Variants in MAGI2 observed in about 807,000 individuals in gnomAD.
MAGI2 encodes the protein membrane associated guanylate kinase, WW and PDZ domain containing 2, also known as membrane-associated guanylate kinase, WW and PDZ domain-containing protein 2.
A neutral mutation model predicts 133.3 loss-of-function variants in MAGI2; 35 were observed. The observed-to-expected ratio is 0.26, with a 90% CI of 0.20 to 0.35. The LOEUF (loss-of-function observed/expected upper bound fraction) is 0.35. Ranked by LOEUF, MAGI2 falls within the 10% of genes least tolerant of loss-of-function variation. MAGI2 has a pLI of 1.00. For synonymous variants in MAGI2, 729 were observed against 710.6 expected, an observed-to-expected ratio of 1.03 and a Z score of -0.41; for missense variants, 1,636 against 1,863.4, an observed-to-expected ratio of 0.88 and a Z score of 2.25.
chr7:78,107,394 G>C (rs1315263755), intron 20 of MAGI2, among the ~76,000 whole-genome samples: 1 of 152,096 alleles, frequency 6.6e-6, no homozygotes, highest in Non-Finnish European at 1.5e-5. Context: ...AATGTCATTG[G>C]TATTTTGATA....
At chr7:78,371,505 T>C (rs776028519) in intron 6 of MAGI2, among the ~76,000 whole-genome samples, 47 of 151,976 alleles carry the variant, frequency 3.1e-4, no homozygotes, top group Non-Finnish European at 5.3e-4. Context: ...CAATGCCATA[T>C]GGAAGCATTT....
chr7:79,374,854 T>C (rs1344115998), intron 1 of MAGI2, among the ~76,000 whole-genome samples: 1 of 151,966 alleles, frequency 6.6e-6, no homozygotes, highest in Non-Finnish European at 1.5e-5. Flanking sequence ...CTTTTGAAGC[T>C]CCCTCTTTGC....
intron 9 of MAGI2, among the ~76,000 whole-genome samples, chr7:78,313,354 TA>T (rs1206684053): frequency 2.6e-5 from 4 of 151,854 alleles, no homozygotes; most frequent in Non-Finnish European, 4.4e-5. Flanking sequence ...AAATAAAAAA[TA>T]AAAAAATTTC....
At chr7:78,881,829 C>T (rs1400065726) in intron 2 of MAGI2, among the ~76,000 whole-genome samples, 3 of 151,184 alleles carry the variant, frequency 2.0e-5, no homozygotes, top group Non-Finnish European at 4.4e-5. Context: ...AGCCCTAAAG[C>T]CTATGTCAGG....
At chr7:78,261,555 C>A (rs910199886) in intron 9 of MAGI2, among the ~76,000 whole-genome samples, 7 of 152,084 alleles carry the variant, frequency 4.6e-5, no homozygotes, top group Admixed American at 4.6e-4. Context: ...TAGATTCTCA[C>A]TGAATAAAGG....
At chr7:78,752,763 C>A (rs1215388609) in intron 2 of MAGI2, among the ~76,000 whole-genome samples, 1 of 152,224 alleles carries the variant, frequency 6.6e-6, no homozygotes, top group African/African-American at 2.4e-5. Context: ...TAGCTCCCAG[C>A]TGCCAAGGTC....
intron 2 of MAGI2, among the ~76,000 whole-genome samples, chr7:78,950,010 A>T (rs1414268021): frequency 1.3e-5 from 2 of 152,028 alleles, no homozygotes; most frequent in Non-Finnish European, 2.9e-5. Context: ...GTCCTGCCAA[A>T]CTTTCCTTAG....
intron 1 of MAGI2, among the ~76,000 whole-genome samples, chr7:79,230,169 AT>A (rs1404513470): frequency 6.6e-6 from 1 of 150,518 alleles, no homozygotes; most frequent in Non-Finnish European, 1.5e-5. Flanking sequence ...TATGTGCCAC[AT>A]TTTCTTAATC....
chr7:78,573,211 T>A (rs1361374293), intron 3 of MAGI2, among the ~76,000 whole-genome samples: 3 of 74,774 alleles, frequency 4.0e-5, no homozygotes, highest in South Asian at 6.9e-4. Context: ...TATAAATATA[T>A]ATATAAATAT....
At chr7:79,019,286 G>A (rs930082848) in intron 1 of MAGI2, among the ~76,000 whole-genome samples, 1 of 152,172 alleles carries the variant, frequency 6.6e-6, no homozygotes, top group Non-Finnish European at 1.5e-5. Context: ...ACTGGGTGGA[G>A]ATAATTTAAT....
intron 1 of MAGI2, among the ~76,000 whole-genome samples, chr7:79,195,589 C>T (rs1828006745): frequency 6.6e-6 from 1 of 152,058 alleles, no homozygotes; most frequent in Non-Finnish European, 1.5e-5. Flanking sequence ...AGCCACTCTT[C>T]TCCCTCTCCC....
At position 78,018,442 on chromosome 7, in the gene MAGI2, G is replaced by A. The variant is rs1807962124; in HGVS notation, c.*873C>T. 1 of 152,230 alleles carries A rather than the reference G, an allele frequency of 6.6e-6. No individual in the cohort carries two copies. Among genetic ancestry groups the A allele is most frequent in the South Asian group, 2.1e-4 (1 of 4,826 alleles). 9.4% of individuals were successfully genotyped at this position (152,230 alleles called of 1,614,324 possible). A position where few individuals can be genotyped will look rare whatever the true frequency, so the allele number is the denominator to read the frequency against. On this transcript the variant is annotated 3_prime_UTR_variant, in exon 22 of 22. Coordinates refer to ENST00000354212, the MANE Select transcript of MAGI2 (RefSeq NM_012301.4). Reference sequence around the variant, plus strand: ...ACGACAGAAAAGCCTCTTCATAAAGGAACTGCAGCGTTGCCTATCTTGATT... The same window carrying A: ...ACGACAGAAAAGCCTCTTCATAAAGAAACTGCAGCGTTGCCTATCTTGATT...
intron 1 of MAGI2, among the ~76,000 whole-genome samples, chr7:79,331,971 C>A (rs1023820950): frequency 6.6e-6 from 1 of 151,698 alleles, no homozygotes; most frequent in Non-Finnish European, 1.5e-5. Context: ...AAAAAAAATT[C>A]CTTTTCTCTT....
At chr7:79,119,410 G>A (rs1287441040) in intron 1 of MAGI2, among the ~76,000 whole-genome samples, 2 of 152,056 alleles carry the variant, frequency 1.3e-5, no homozygotes, top group African/African-American at 4.8e-5. Flanking sequence ...TCTTGAGAAA[G>A]GGGAATGAAT....
At chr7:79,268,270 T>G (rs1295862078) in intron 1 of MAGI2, among the ~76,000 whole-genome samples, 1 of 152,144 alleles carries the variant, frequency 6.6e-6, no homozygotes, top group African/African-American at 2.4e-5. Flanking sequence ...ACACTGGAAA[T>G]GTCTTGTATG....
intron 9 of MAGI2, among the ~76,000 whole-genome samples, chr7:78,305,181 G>T (rs149942159): frequency 3.9e-5 from 6 of 152,088 alleles, no homozygotes; most frequent in Non-Finnish European, 7.4e-5. Flanking sequence ...CATGCCCCAC[G>T]TGTTTTGCCT....
chr7:79,340,781 T>G (rs1442565979), intron 1 of MAGI2, among the ~76,000 whole-genome samples: 1 of 152,098 alleles, frequency 6.6e-6, no homozygotes, highest in Non-Finnish European at 1.5e-5. Flanking sequence ...TGTCCAGAAG[T>G]GCCTTTGGGC....
intron 10 of MAGI2, among the ~76,000 whole-genome samples, chr7:78,204,908 CA>C: frequency 6.6e-6 from 1 of 152,062 alleles, no homozygotes; most frequent in Non-Finnish European, 1.5e-5. Context: ...ATATAAAGCA[CA>C]AAACTGATTA....
chr7:78,915,438 A>G (rs1035060067), intron 2 of MAGI2, among the ~76,000 whole-genome samples: 7 of 152,120 alleles, frequency 4.6e-5, no homozygotes, highest in Admixed American at 2.0e-4. Flanking sequence ...TCTTGAAAAG[A>G]TGCATATAAA....
Sources: gnomAD v4.1 joint callset for allele counts (sites outside exome capture counted in the v4.1 genomes callset) on GRCh38, gnomAD v4.1.1 for gene constraint, MANE v1.5 for transcripts, NCBI Gene and HGNC (gene_info 2026-07-23, HGNC 2026-07-21) for gene names.